CCDC88C: variants seen among roughly 807,000 people sequenced by gnomAD.
CCDC88C encodes protein Daple.
In CCDC88C, 131 loss-of-function variants were observed where a neutral mutation model predicts 198.8. That is an observed-to-expected ratio of 0.66 (90% CI 0.57 to 0.76). CCDC88C has a LOEUF of 0.76. CCDC88C is among the 30% of genes least tolerant of loss of function. CCDC88C has a pLI of 0.00. For synonymous variants in CCDC88C, 1,166 were observed against 1,114.7 expected (o/e 1.05, Z -0.92); for missense variants, 2,553 against 2,631.6 (o/e 0.97, Z 0.65).
chr14:91,379,820 C>T lies in CCDC88C; in HGVS notation c.271-20109G>A, dbSNP rs1884671776. On this transcript the variant is annotated intron_variant, in intron 3 of 29. Coordinates refer to ENST00000389857, the MANE Select transcript of CCDC88C (RefSeq NM_001080414.4). ...CCACTTCCACTGGGTTTGTTTGAAG[C>T]CAATGCGAAAACTCAAACGCTGTGT... The T allele has an allele frequency of 1.0e-5, 7 of 702,960 alleles. No individual in the cohort carries two copies. The East Asian group carries it at 1.9e-4, about 19-fold the overall frequency. 43.5% of individuals were successfully genotyped at this position (702,960 alleles called of 1,614,324 possible).
rs1014806893 is a variant in CCDC88C, at chr14:91,371,196, T to G, written c.271-11485A>C. On this transcript the variant is annotated intron_variant, in intron 3 of 29. Transcript: ENST00000389857. This position sits in a 1 kb window ranked among gnomAD's most constrained non-coding sequence, Gnocchi z 4.2. ...GGAGTTGATATAAGGGCCCTGATTT[T>G]ATGGCCGTGAGGGATCGTATGACTG... Among the ~76,000 whole-genome samples the G allele has an allele frequency of 6.6e-6, 1 of 152,126 alleles. No homozygotes were observed. The highest frequency in any genetic ancestry group is 1.5e-5 in the Non-Finnish European group (1 of 68,030).
chr14:91,295,734 T>C (rs553695428), intron 22 of CCDC88C, among the ~76,000 whole-genome samples: 3 of 152,208 alleles, frequency 2.0e-5, no homozygotes, highest in South Asian at 4.1e-4. Flanking sequence ...ACTTCGCTTA[T>C]GCTGCTTCGC....
rs1890384185 is a variant in CCDC88C at position 91,285,870 on chromosome 14, G to A, written c.4442-2353C>T. On this transcript the variant is annotated intron_variant, in intron 25 of 29. Coordinates refer to ENST00000389857, the MANE Select transcript of CCDC88C (RefSeq NM_001080414.4). ...TTATCAATCGGATAACCCAAAGGAG[G>A]AAGGAAAAAGAAAACACAAATAAAT... is the stretch of plus-strand genomic sequence containing the variant. The A allele has an allele frequency of 6.9e-6, 8 of 1,153,178 alleles. No individual in the cohort carries two copies. The South Asian group carries it at 8.1e-5, about 12-fold the overall frequency. The allele number at this position is 1,153,178 out of a possible 1,614,324, so 71.4% of individuals were successfully genotyped here.
chr14:91,302,420 A>T (rs1891339953), intron 20 of CCDC88C, among the ~76,000 whole-genome samples: 1 of 151,920 alleles, frequency 6.6e-6, no homozygotes, highest in Admixed American at 6.6e-5. Context: ...TGCCCCTCAG[A>T]CTCTGGAGAG....
intron 16 of CCDC88C, 100 bp downstream of exon 16, chr14:91,309,759 G>T: frequency 7.6e-7 from 1 of 1,314,018 alleles, no homozygotes. Flanking sequence ...GCCCTCGGCA[G>T]TAGAGAGTTC....
Position 91,273,191 on chromosome 14 carries a change from C to A in CCDC88C, c.5521G>T (p.Gly1841Cys). 2 of 1,575,904 alleles carry A rather than the reference C, an allele frequency of 1.3e-6. No homozygotes were observed. The highest frequency in any genetic ancestry group is 1.7e-6 in the Non-Finnish European group (2 of 1,161,032). The part of the protein sequence containing the change: ...APEALGGRET[G>C]SHTLQSPAPP... ...GCGGGGCTTTGCAGGGTGTGGCTGC[C>A]TGTCTCTCTGCCCCCTAAGGCCTCA... is the stretch of plus-strand genomic sequence containing the variant. Residue 1841 changes from glycine to cysteine, a missense_variant, in exon 30 of 30, where the codon GGC becomes TGC. By Grantham distance (159) the Gly-to-Cys change is radical. Transcript: ENST00000389857. The surrounding 1 kb of genome is among the most constrained non-coding windows in gnomAD (Gnocchi z 5.6).
At chr14:91,334,894 G>A (rs961539262) in intron 10 of CCDC88C, among the ~76,000 whole-genome samples, 3 of 152,122 alleles carry the variant, frequency 2.0e-5, no homozygotes, top group African/African-American at 7.2e-5. Flanking sequence ...CCTCTGAGCT[G>A]CATTCTAAGT....
At chr14:91,274,311 G>A (rs913897130) in intron 29 of CCDC88C, among the ~76,000 whole-genome samples, 4 of 152,152 alleles carry the variant, frequency 2.6e-5, no homozygotes, top group South Asian at 2.1e-4. Flanking sequence ...AGGCCCAGCC[G>A]CCACACTGTC....
chr14:91,390,117 A>G (rs1166841555), intron 3 of CCDC88C, among the ~76,000 whole-genome samples: 2 of 152,114 alleles, frequency 1.3e-5, no homozygotes, highest in Admixed American at 6.5e-5. Flanking sequence ...AAGAGAAAAT[A>G]TAAGAAATGC....
intron 1 of CCDC88C, chr14:91,417,179 C>T (rs1180826699): frequency 1.4e-6 from 1 of 703,026 alleles, no homozygotes; most frequent in South Asian, 1.5e-5. Flanking sequence ...GTTCGCTTTC[C>T]CATTCGGCGC....
Position 91,324,737 on chromosome 14 carries a change from G to A in CCDC88C, c.1342+42C>T, listed in dbSNP as rs1469271493. ...GACTCAGCTCCCTGGAGGCAGCGGC[G>A]GCCACGGCCAGGCTGGCTCCCCGGC... On this transcript the variant is annotated intron_variant, in intron 12 of 29. Coordinates refer to ENST00000389857, the MANE Select transcript of CCDC88C (RefSeq NM_001080414.4). 19 of 1,601,820 alleles carry A rather than the reference G, an allele frequency of 1.2e-5. 1 individual carries two copies. The highest frequency in any genetic ancestry group is 5.5e-5 in the South Asian group (5 of 90,974).
Position 91,313,998 on chromosome 14 carries a change from G to A in CCDC88C, c.1818C>T (p.Leu606=), listed in dbSNP as rs778293242. 16 of 1,613,844 alleles carry A rather than the reference G, an allele frequency of 9.9e-6. No individual in the cohort carries two copies. In the East Asian group the frequency reaches 2.2e-4, roughly 22 times the overall value. The change falls in exon 15 of 30, where the codon CTC becomes CTT. Residue 606 remains leucine (L), a synonymous_variant. Coordinates refer to ENST00000389857, the MANE Select transcript of CCDC88C (RefSeq NM_001080414.4). This position sits in a 1 kb window ranked among gnomAD's most constrained non-coding sequence, Gnocchi z 5.2. The stretch of plus-strand genomic sequence containing the variant: ...GCCGCTTCTCAAACTCCAACTGGCT[G>A]AGCTTGCCATTGGCCTCCGTCACCG... ...HQTVTEANGK[L]SQLEFEKRQL...
At chr14:91,294,029 T>C in intron 23 of CCDC88C, 144 bp downstream of exon 23, 1 of 839,536 alleles carries the variant, frequency 1.2e-6, no homozygotes, top group African/African-American at 1.7e-5. Flanking sequence ...GGGCAGTCCG[T>C]GCTGGTGATC....
At chr14:91,310,998 T>C (rs1197678949) in intron 15 of CCDC88C, among the ~76,000 whole-genome samples, 1 of 152,206 alleles carries the variant, frequency 6.6e-6, no homozygotes, top group Non-Finnish European at 1.5e-5. Context: ...GGGAGTGATG[T>C]GGGTGACTCC....
intron 13 of CCDC88C, 58 bp from the exon 14 acceptor site, chr14:91,315,845 A>G: frequency 1.3e-6 from 2 of 1,566,210 alleles, no homozygotes; most frequent in Non-Finnish European, 1.7e-6. Flanking sequence ...GTGAACCATG[A>G]TTTAAAACAA....
In CCDC88C at chr14:91,314,112, T is replaced by C; in HGVS notation, c.1704A>G (p.Arg568=). 2 of 1,613,236 alleles carry C rather than the reference T, an allele frequency of 1.2e-6. No individual in the cohort carries two copies. The highest frequency in any genetic ancestry group is 1.7e-6 in the Non-Finnish European group (2 of 1,179,678). ...ACCTCTCCCGCAGCGACCACATGGC[T>C]CGGTTGAGGTGGTCCTTTTCCTGCT... ...DLEQEKDHLN[R]AMWSLRERSQ... is the part of the protein sequence containing the mutation. The change falls in exon 15 of 30, where the codon CGA becomes CGG. Residue 568 remains arginine (R), a synonymous_variant. Coordinates refer to ENST00000389857, the MANE Select transcript of CCDC88C (RefSeq NM_001080414.4).
chr14:91,351,691 G>A (rs968891635), intron 4 of CCDC88C, among the ~76,000 whole-genome samples: 6 of 152,034 alleles, frequency 3.9e-5, no homozygotes, highest in African/African-American at 7.3e-5. Flanking sequence ...TCTGGCAGGC[G>A]CTAAGCTGCA....
intron 4 of CCDC88C, among the ~76,000 whole-genome samples, chr14:91,347,491 AAAAC>A (rs1436156109): frequency 2.2e-4 from 34 of 152,156 alleles, no homozygotes; most frequent in African/African-American, 6.5e-4. Context: ...TTACAAGAAA[AAAAC>A]AAACAACCCC....
chr14:91,298,142 AC>A (rs915342386), intron 21 of CCDC88C, among the ~76,000 whole-genome samples: 3 of 152,184 alleles, frequency 2.0e-5, no homozygotes, highest in Non-Finnish European at 2.9e-5. Flanking sequence ...CTTTTTAAAA[AC>A]AAATTAGTTG....
Sources: gnomAD v4.1 joint callset for allele counts (sites outside exome capture counted in the v4.1 genomes callset) on GRCh38, gnomAD v4.1.1 for gene constraint, Gnocchi (gnomAD v3.1) non-coding constraint, MANE v1.5 for transcripts, NCBI Gene and HGNC (gene_info 2026-07-23, HGNC 2026-07-21) for gene names.